The following TEX11 variants were observed in gnomAD, a reference collection of about 807,000 sequenced individuals.
TEX11 encodes testis-expressed protein 11.
A neutral mutation model predicts 84.4 loss-of-function variants in TEX11; 7 were observed. That is an observed-to-expected ratio of 0.08 (90% CI 0.05 to 0.16). The LOEUF is 0.16. Ranked by LOEUF, TEX11 falls within the 10% of genes least tolerant of loss-of-function variation. The pLI is 1.00. For synonymous variants in TEX11, 264 were observed against 222.8 expected (o/e 1.18, Z -1.64); for missense variants, 551 against 660.5 (o/e 0.83, Z 1.82).
At position 70,744,095 on chromosome X, in the gene TEX11, T is replaced by C. The variant is rs936338040; in HGVS notation, c.747+70A>G. 4.6e-5 allele frequency: 30 copies of C among 658,410 alleles called. No individual in the cohort carries two copies. The South Asian group carries it at 1.6e-3, about 35-fold the overall frequency. 54.3% of individuals were successfully genotyped at this position (658,410 alleles called of 1,213,427 possible). ...TACTCATAAATGGGGAGTACGCTAT[T>C]ATAATTTTATAACAATAAAATAAAG... is the stretch of plus-strand genomic sequence containing the variant. On this transcript the variant is annotated intron_variant, in intron 10 of 29. Coordinates refer to ENST00000374333, the MANE Select transcript of TEX11 (RefSeq NM_031276.3).
chrX:70,619,432 T>C (rs1001343936), intron 20 of TEX11, among the ~76,000 whole-genome samples: 19 of 111,664 alleles, frequency 1.7e-4, no homozygotes, highest in Admixed American at 1.1e-3. Flanking sequence ...GCTAGATTAG[T>C]AGTGTTGCCT....
At chrX:70,677,946 G>A (rs4844248) in intron 15 of TEX11, among the ~76,000 whole-genome samples, 2 of 105,537 alleles carry the variant, frequency 1.9e-5, no homozygotes, top group Admixed American at 1.0e-4. Flanking sequence ...CCTGAGTAGC[G>A]GACACTACAG....
chrX:70,521,398 C>T, the TEX11 span, among the ~76,000 whole-genome samples: 4 of 110,400 alleles, frequency 3.6e-5, no homozygotes, highest in African/African-American at 1.3e-4. Context: ...CCTGCCTCAG[C>T]CTCCCATAGC....
At chrX:70,868,880 G>A (rs1478695894) in intron 4 of TEX11, among the ~76,000 whole-genome samples, 1 of 108,557 alleles carries the variant, frequency 9.2e-6, no homozygotes, top group Non-Finnish European at 1.9e-5. Flanking sequence ...CTGTCAGCGG[G>A]TGGGGGCAAA....
At chrX:70,649,442 A>C (rs186070330) in intron 17 of TEX11, among the ~76,000 whole-genome samples, 2 of 112,583 alleles carry the variant, frequency 1.8e-5, no homozygotes, top group Admixed American at 1.9e-4. Flanking sequence ...GACAATTTCA[A>C]GTGCTGATGA....
At chrX:70,877,085 G>A (rs1177255714) in intron 3 of TEX11, among the ~76,000 whole-genome samples, 4 of 110,984 alleles carry the variant, frequency 3.6e-5, no homozygotes, top group African/African-American at 1.3e-4. Context: ...CTTGAGGCCA[G>A]GAGTTCGAAA....
chrX:70,706,053 C>A (rs1436727991), intron 13 of TEX11, among the ~76,000 whole-genome samples: 1 of 111,223 alleles, frequency 9.0e-6, no homozygotes, highest in Non-Finnish European at 1.9e-5. Context: ...GACTTGGAAC[C>A]AACCCAAATG....
chrX:70,535,162 T>C (rs2087939772), intron 28 of TEX11, among the ~76,000 whole-genome samples: 1 of 112,551 alleles, frequency 8.9e-6, no homozygotes, highest in Non-Finnish European at 1.9e-5. Context: ...TTCCTTTCAA[T>C]GGACAAATAG....
At chrX:70,529,222 G>T in intron 29 of TEX11, 35 bp from the exon 30 acceptor site, 2 of 1,101,003 alleles carry the variant, frequency 1.8e-6, no homozygotes, top group Admixed American at 2.3e-5. Context: ...TTTCTTGAGG[G>T]GAAAAAGAAA....
intron 9 of TEX11, among the ~76,000 whole-genome samples, chrX:70,770,136 TCAGGG>T (rs1243013677): frequency 2.7e-5 from 3 of 111,568 alleles, no homozygotes; most frequent in African/African-American, 9.8e-5. Context: ...TGTCAGATTC[TCAGGG>T]CCTCAGGCTG....
intron 9 of TEX11, among the ~76,000 whole-genome samples, chrX:70,750,934 ATATATATATATAT>A (rs2090817268): frequency 4.8e-5 from 1 of 20,786 alleles, no homozygotes; most frequent in East Asian, 2.4e-3. Flanking sequence ...AAAAAAAAAA[ATATATATATATAT>A]ATATATATAT....
intron 18 of TEX11, among the ~76,000 whole-genome samples, chrX:70,629,301 T>C (rs1052943833): frequency 8.9e-6 from 1 of 112,505 alleles, no homozygotes; most frequent in African/African-American, 3.2e-5. Context: ...AGTTTCTATA[T>C]AGATAGCTAT....
At chrX:70,613,707 G>A (rs1448934766) in intron 20 of TEX11, among the ~76,000 whole-genome samples, 2 of 111,843 alleles carry the variant, frequency 1.8e-5, no homozygotes, top group African/African-American at 6.5e-5. Flanking sequence ...GCCACCAGCT[G>A]GGGTAGCTAA....
chrX:70,853,228 A>G lies in TEX11; in HGVS notation c.405+20T>C. The G allele has an allele frequency of 8.3e-7, 1 of 1,208,129 alleles. No homozygotes were observed. The highest frequency in any genetic ancestry group is 1.7e-5 in the African/African-American group (1 of 57,882). On this transcript the variant is annotated intron_variant, in intron 6 of 29. Transcript: ENST00000374333. Reference sequence around the variant, plus strand: ...GTTACTACTAATAATTGCCTCAGCTAAAAGTCAATGGTAACTTACGGCCAC... The same window carrying G: ...GTTACTACTAATAATTGCCTCAGCTGAAAGTCAATGGTAACTTACGGCCAC...
intron 25 of TEX11, among the ~76,000 whole-genome samples, chrX:70,569,812 C>G (rs12012945): frequency 9.0e-6 from 1 of 110,548 alleles, no homozygotes; most frequent in East Asian, 2.8e-4. Flanking sequence ...GTCAGTCTGC[C>G]CCTACTGGGG....
At chrX:70,782,659 A>C (rs1227135992) in intron 9 of TEX11, among the ~76,000 whole-genome samples, 1 of 103,895 alleles carries the variant, frequency 9.6e-6, no homozygotes, top group Non-Finnish European at 2.0e-5. Context: ...AAAAAAAAAA[A>C]AAAAAAACAG....
At chrX:70,882,281 G>C (rs1238665278) in intron 2 of TEX11, among the ~76,000 whole-genome samples, 1 of 110,602 alleles carries the variant, frequency 9.0e-6, no homozygotes, top group East Asian at 2.8e-4. Context: ...AAATATTTTT[G>C]AGAAGAAAAC....
Position 70,553,385 on chromosome X carries a change from G to T in TEX11, c.2320C>A (p.Pro774Thr), listed in dbSNP as rs771582546. 1 of 1,207,556 alleles carries T rather than the reference G, an allele frequency of 8.3e-7. No individual in the cohort carries two copies. Among genetic ancestry groups the T allele is most frequent in the East Asian group, 3.0e-5 (1 of 33,750 alleles). Residue 774 changes from proline (P) to threonine (T), a missense_variant, in exon 27 of 30, where the codon CCT (proline) becomes ACT (threonine). Transcript: ENST00000374333. ...TTCAAGGCCTTGAGAGCAATCAAAGGATAGTGTGCAGGCTTTTCCATTGCT... is the reference window on the plus strand; with the variant it reads ...TTCAAGGCCTTGAGAGCAATCAAAGTATAGTGTGCAGGCTTTTCCATTGCT... ...IIAMEKPAHY[P>T]LIALKALKKA...
chrX:70,847,146 A>G (rs966925412), intron 7 of TEX11, among the ~76,000 whole-genome samples: 1 of 111,275 alleles, frequency 9.0e-6, no homozygotes, highest in African/African-American at 3.3e-5. Context: ...GTCATGTGAC[A>G]TGCCTGCTCC....
Sources: allele counts gnomAD v4.1 joint callset (sites outside exome capture counted in the v4.1 genomes callset), GRCh38; gene constraint gnomAD v4.1.1; transcripts MANE v1.5; gene names NCBI Gene and HGNC (gene_info 2026-07-23, HGNC 2026-07-21).